Variants in NIPBL observed in about 807,000 individuals in gnomAD.
The protein encoded by NIPBL is NIPBL cohesin loading factor, also known as nipped-B-like protein.
NIPBL carries 19 observed loss-of-function variants against 321.8 expected under a neutral mutation model. The observed-to-expected ratio is 0.06, with a 90% CI of 0.04 to 0.09. The LOEUF is 0.09. Ranked by LOEUF, NIPBL falls within the 10% of genes least tolerant of loss-of-function variation. The pLI is 1.00. For synonymous variants in NIPBL, 1,106 were observed against 1,114.1 expected, an observed-to-expected ratio of 0.99 and a Z score of 0.14; for missense variants, 2,210 against 3,327.0, an observed-to-expected ratio of 0.66 and a Z score of 8.26.
chr5:37,013,044 AC>A (rs529922831), intron 21 of NIPBL, among the ~76,000 whole-genome samples: 2,596 of 126,516 alleles, frequency 0.021, 33 homozygotes, highest in Middle Eastern at 0.062. Flanking sequence ...CGGGGGGCTG[AC>A]CCCCCCCCAC....
Position 36,953,705 on chromosome 5 carries a change from G to A in NIPBL, c.9G>A (p.Gly3=). 6.2e-7 allele frequency: 1 copy of A among 1,613,744 alleles called. No individual in the cohort carries two copies. Among genetic ancestry groups the A allele is most frequent in the Non-Finnish European group, 8.5e-7 (1 of 1,179,728 alleles). The part of the protein sequence containing the change: MN[G]DMPHVPITTL... ...CATTCCAGAAATTCAGGATGAATGG[G>A]GATATGCCCCATGTCCCCATTACTA... Residue 3 remains glycine (G), a synonymous_variant, in exon 2 of 47, where the codon GGG becomes GGA. Coordinates refer to ENST00000282516, the MANE Select transcript of NIPBL (RefSeq NM_133433.4).
chr5:36,919,175 G>T (rs1487516691), intron 1 of NIPBL, among the ~76,000 whole-genome samples: 1 of 152,008 alleles, frequency 6.6e-6, no homozygotes, highest in Non-Finnish European at 1.5e-5. Context: ...AGGTTTTTAT[G>T]CTGCTAAGGA....
chr5:36,916,679 T>C (rs1397957128), intron 1 of NIPBL, among the ~76,000 whole-genome samples: 7 of 147,814 alleles, frequency 4.7e-5, no homozygotes, highest in Admixed American at 1.3e-4. Context: ...GGCCCCAGTG[T>C]GTGATGTTCC....
intron 1 of NIPBL, among the ~76,000 whole-genome samples, chr5:36,907,210 A>G (rs750299329): frequency 9.9e-5 from 15 of 152,184 alleles, no homozygotes; most frequent in Non-Finnish European, 1.8e-4. Flanking sequence ...GCTCTCAGCA[A>G]GGTTCTAGAC....
chr5:37,027,211 G>A (rs1750382228), intron 31 of NIPBL, 148 bp from the exon 32 acceptor site: 2 of 658,802 alleles, frequency 3.0e-6, no homozygotes, highest in Admixed American at 2.5e-5. Flanking sequence ...TTGGTAAATG[G>A]TTGTGTTACT....
At chr5:36,904,562 T>A (rs1747484438) in intron 1 of NIPBL, among the ~76,000 whole-genome samples, 4 of 152,210 alleles carry the variant, frequency 2.6e-5, no homozygotes, top group Admixed American at 2.6e-4. Context: ...TTAGTATTCC[T>A]ATGGGCCAGG....
chr5:36,982,204 T>A lies in NIPBL; in HGVS notation c.1496-2472T>A, dbSNP rs148333259. 9.0e-5 allele frequency: 88 copies of A among 980,678 alleles called. No homozygotes were observed. In the African/African-American group the frequency reaches 1.4e-3, roughly 15 times the overall value. The allele number at this position is 980,678 out of a possible 1,614,324, so 60.7% of individuals were successfully genotyped here. A position where few individuals can be genotyped will look rare whatever the true frequency, so the allele number is the denominator to read the frequency against. On this transcript the variant is annotated intron_variant, in intron 9 of 46. Coordinates refer to ENST00000282516, the MANE Select transcript of NIPBL (RefSeq NM_133433.4). ...TGATAGCTAATCTTATGGTTCCCAG[T>A]GCTGAAGAGGGCTTACAGGTAATCA...
Position 36,985,191 on chromosome 5 carries a change from C to G in NIPBL, c.2011C>G (p.Pro671Ala), listed in dbSNP as rs1422725879. 6 of 1,613,718 alleles carry G rather than the reference C, an allele frequency of 3.7e-6. No individual in the cohort carries two copies. Among genetic ancestry groups the G allele is most frequent in the Non-Finnish European group, 5.1e-6 (6 of 1,179,896 alleles). The change falls in exon 10 of 47, where the codon CCT becomes GCT. Residue 671 changes from proline (P) to alanine (A), a missense_variant. Physicochemically the swap from Pro to Ala is conservative, Grantham distance 27 (BLOSUM62 -1). Transcript: ENST00000282516. ...ACAAAACGAGAGCACCATAGTTGAGCCTAAACAAAATGAAAATAGACTGTC... is the reference window on the plus strand; with the variant it reads ...ACAAAACGAGAGCACCATAGTTGAGGCTAAACAAAATGAAAATAGACTGTC... ...CKQNESTIVE[P>A]KQNENRLSDT...
Position 37,064,530 on chromosome 5 carries a change from T to C in NIPBL, c.8053T>C (p.Leu2685=). ...EDRGGGTSGS[L]RRSKRNSDST... ...TTCCCCCCTCCCAATGTTTTAGTCA[T>C]TGAGAAGGTCAAAACGAAATTCAGA... The change falls in exon 47 of 47, where the codon TTG becomes CTG. Residue 2685 remains leucine (L), a synonymous_variant. Coordinates refer to ENST00000282516, the MANE Select transcript of NIPBL (RefSeq NM_133433.4). 5.0e-6 allele frequency: 8 copies of C among 1,612,958 alleles called. No individual in the cohort carries two copies. Among genetic ancestry groups the C allele is most frequent in the Non-Finnish European group, 6.8e-6 (8 of 1,180,020 alleles).
chr5:37,050,703 A>G (rs1345708949), intron 40 of NIPBL, among the ~76,000 whole-genome samples: 1 of 152,210 alleles, frequency 6.6e-6, no homozygotes, highest in Non-Finnish European at 1.5e-5. Context: ...AAGAACAAGG[A>G]CATTCTCTTA....
intron 1 of NIPBL, among the ~76,000 whole-genome samples, chr5:36,925,446 AGT>A (rs1163293121): frequency 6.6e-6 from 1 of 151,676 alleles, no homozygotes; most frequent in Admixed American, 6.6e-5. Context: ...TTTGTATTTT[AGT>A]AGAGACGGGG....
chr5:36,891,644 A>G (rs948434363), intron 1 of NIPBL, among the ~76,000 whole-genome samples: 1 of 152,202 alleles, frequency 6.6e-6, no homozygotes, highest in African/African-American at 2.4e-5. Flanking sequence ...GGCAGGCTAC[A>G]GATTATGAAG....
chr5:36,988,689 G>T (rs1407773846), intron 10 of NIPBL, among the ~76,000 whole-genome samples: 1 of 152,006 alleles, frequency 6.6e-6, no homozygotes. Flanking sequence ...ACATTTTGAT[G>T]TGTTGATGAT....
At chr5:36,895,057 A>G (rs1334042267) in intron 1 of NIPBL, among the ~76,000 whole-genome samples, 1 of 152,220 alleles carries the variant, frequency 6.6e-6, no homozygotes, top group Non-Finnish European at 1.5e-5. Flanking sequence ...AGTGATTTTT[A>G]GTATATTCAC....
rs190207914 is a variant in NIPBL at position 36,988,697 on chromosome 5, G to A, written c.3121+2396G>A. Among the ~76,000 whole-genome samples the A allele has an allele frequency of 6.6e-5, 10 of 152,114 alleles. No individual in the cohort carries two copies. The South Asian group carries it at 8.3e-4, about 13-fold the overall frequency. On this transcript the variant is annotated intron_variant, in intron 10 of 46. Transcript: ENST00000282516. Reference sequence around the variant, plus strand: ...GAAAATCACATTTTGATGTGTTGATGATTTTCTGAGTAAAGGAGTTAGTCT... The same window carrying A: ...GAAAATCACATTTTGATGTGTTGATAATTTTCTGAGTAAAGGAGTTAGTCT...
intron 10 of NIPBL, among the ~76,000 whole-genome samples, chr5:36,991,876 G>A (rs930458865): frequency 4.6e-5 from 7 of 151,350 alleles, no homozygotes; most frequent in Admixed American, 1.3e-4. Flanking sequence ...ATTAGTTTAC[G>A]TGATTTATTT....
intron 10 of NIPBL, chr5:36,995,043 C>T (rs773546386): frequency 6.6e-6 from 1 of 152,136 alleles, no homozygotes; most frequent in Non-Finnish European, 1.5e-5. Flanking sequence ...AGAAGTTCTC[C>T]GTAATGCTAA....
Position 37,006,517 on chromosome 5 carries a change from A to G in NIPBL, c.4016A>G (p.Tyr1339Cys), listed in dbSNP as rs1480721861. 2 of 1,611,946 alleles carry G rather than the reference A, an allele frequency of 1.2e-6. No homozygotes were observed. The highest frequency in any genetic ancestry group is 1.7e-5 in the Admixed American group (1 of 59,896). The change falls in exon 17 of 47, where the codon TAC (tyrosine) becomes TGC (cysteine). Residue 1339 changes from tyrosine (Y) to cysteine (C), a missense_variant. Tyr to Cys is a radical substitution (Grantham distance 194). Transcript: ENST00000282516. ...GATGTAATTGAAAGAGTTATACAGT[A>G]CACTAAATTTCATTTGCAGAATACA... ...IEDVIERVIQ[Y>C]TKFHLQNTLY...
intron 25 of NIPBL, 150 bp downstream of exon 25, chr5:37,019,550 AAAG>A (rs1186248172): frequency 6.0e-6 from 4 of 670,488 alleles, no homozygotes; most frequent in African/African-American, 1.8e-5. Context: ...TCTAAACAGA[AAAG>A]AATGCTTTGG....
Sources: allele counts gnomAD v4.1 joint callset (sites outside exome capture counted in the v4.1 genomes callset), GRCh38; gene constraint gnomAD v4.1.1; transcripts MANE v1.5; gene names NCBI Gene and HGNC (gene_info 2026-07-23, HGNC 2026-07-21).